DSE: variants seen among roughly 807,000 people sequenced by gnomAD.
DSE encodes dermatan sulfate epimerase.
DSE carries 36 observed loss-of-function variants against 84.4 expected under a neutral mutation model. The ratio of observed to expected loss-of-function variants is 0.43; its 90% CI spans 0.33 to 0.56. The LOEUF (loss-of-function observed/expected upper bound fraction) is 0.56, where lower values mean the gene tolerates loss of function less well. Ranked by LOEUF, DSE falls within the 20% of genes least tolerant of loss-of-function variation. The probability of loss-of-function intolerance (pLI) is 0.06; values close to 1 mark genes in which losing one functional copy is unlikely to be tolerated. For synonymous variants in DSE, 410 were observed against 430.1 expected, an observed-to-expected ratio of 0.95 and a Z score of 0.58; for missense variants, 862 against 1,169.6, an observed-to-expected ratio of 0.74 and a Z score of 3.84.
At chr6:116,410,200 C>T (rs1009790185) in intron 2 of DSE, among the ~76,000 whole-genome samples, 6 of 152,098 alleles carry the variant, frequency 3.9e-5, no homozygotes, top group East Asian at 1.9e-4. Flanking sequence ...AGTATTTTGA[C>T]GCAAACACCC....
chr6:116,345,570 C>T lies in DSE; in HGVS notation c.-53-53628C>T, dbSNP rs1449839449. 7.6e-4 allele frequency among the ~76,000 whole-genome samples: 115 copies of T among 151,790 alleles called. 1 individual carries two copies. The highest frequency in any genetic ancestry group is 8.1e-4 in the Non-Finnish European group (55 of 67,930). ...AAATAAAGATGTTCTTTGAAACCAA[C>T]GAGAACAAAGACACAACATACCAGA... On this transcript the variant is annotated intron_variant, in intron 2 of 3. Coordinates refer to the DSE transcript ENST00000430252.
chr6:116,323,411 A>G (rs749037090), intron 2 of DSE, among the ~76,000 whole-genome samples: 5 of 152,204 alleles, frequency 3.3e-5, no homozygotes, highest in Admixed American at 6.5e-5. Flanking sequence ...AGTGAGATTC[A>G]CATTTGACTT....
rs112653287 is a variant in DSE at position 116,399,962 on chromosome 6, A to G, written c.416+296A>G. 957 of 346,372 alleles carry G rather than the reference A, an allele frequency of 2.8e-3. 14 individuals carry two copies. Among genetic ancestry groups the G allele is most frequent in the African/African-American group, 0.018 (875 of 47,616 alleles). The allele number at this position is 346,372 out of a possible 1,614,324, so 21.5% of individuals were successfully genotyped here. On this transcript the variant is annotated intron_variant, in intron 2 of 5. Transcript: ENST00000644252. Reference sequence around the variant, plus strand: ...GTGATTGCTGAGAATTCTTTCTTCCATATTCAGCATGTATATATTACTATC... The same window carrying G: ...GTGATTGCTGAGAATTCTTTCTTCCGTATTCAGCATGTATATATTACTATC...
intron 2 of DSE, among the ~76,000 whole-genome samples, chr6:116,308,687 G>T (rs942655852): frequency 2.0e-5 from 3 of 151,568 alleles, no homozygotes; most frequent in Admixed American, 6.6e-5. Context: ...GTTTTTTGGG[G>T]TTTTTTTTGA....
At chr6:116,404,084 G>A (rs965408057) in intron 2 of DSE, among the ~76,000 whole-genome samples, 1 of 152,140 alleles carries the variant, frequency 6.6e-6, no homozygotes, top group African/African-American at 2.4e-5. Context: ...TGAAATGACT[G>A]CCTGTCCACC....
chr6:116,355,227 A>G lies in DSE; in HGVS notation c.-53-43971A>G, dbSNP rs543037833. Among the ~76,000 whole-genome samples, 8 of 152,330 alleles carry G rather than the reference A, an allele frequency of 5.3e-5. No homozygotes were observed. In the South Asian group the frequency reaches 6.2e-4, roughly 12 times the overall value. On this transcript the variant is annotated intron_variant, in intron 2 of 3. Transcript: ENST00000430252. ...TACATACCTTTTAAAGATTTGTTAC[A>G]TATTTGTCCTCCGAATCCTCTCTCA...
chr6:116,299,934 G>C, intron 2 of DSE, among the ~76,000 whole-genome samples: 1 of 152,226 alleles, frequency 6.6e-6, no homozygotes, highest in Middle Eastern at 3.4e-3. Context: ...TGTGGGCAAG[G>C]ATAACATGCA....
chr6:116,320,655 TG>T (rs1439491524), intron 2 of DSE, among the ~76,000 whole-genome samples: 1 of 152,228 alleles, frequency 6.6e-6, no homozygotes, highest in African/African-American at 2.4e-5. Context: ...CCAGCAGCAT[TG>T]GTTTCCTCTC....
intron 1 of DSE, among the ~76,000 whole-genome samples, chr6:116,380,106 TAC>T (rs1780135435): frequency 6.6e-6 from 1 of 152,198 alleles, no homozygotes; most frequent in Non-Finnish European, 1.5e-5. Context: ...AAATCTGTGT[TAC>T]TTGGGAATGA....
At chr6:116,426,529 T>C (rs1416592703) in intron 2 of DSE, 45 bp from the exon 3 acceptor site, 1 of 1,593,350 alleles carries the variant, frequency 6.3e-7, no homozygotes, top group Non-Finnish European at 8.6e-7. Flanking sequence ...TGGTGAAAGC[T>C]GTGAGTCTGA....
chr6:116,353,592 TA>T (rs1778432109), intron 2 of DSE, among the ~76,000 whole-genome samples: 1 of 152,182 alleles, frequency 6.6e-6, no homozygotes, highest in Non-Finnish European at 1.5e-5. Context: ...CTCTCATCCT[TA>T]TACTCTCAAA....
chr6:116,380,247 G>A (rs1211293718), intron 1 of DSE, among the ~76,000 whole-genome samples: 1 of 152,066 alleles, frequency 6.6e-6, no homozygotes, highest in East Asian at 1.9e-4. Flanking sequence ...AGGTACTTCT[G>A]TGTTTGAGGG....
intron 2 of DSE, among the ~76,000 whole-genome samples, chr6:116,355,486 G>A (rs1778522847): frequency 6.6e-6 from 1 of 152,136 alleles, no homozygotes; most frequent in African/African-American, 2.4e-5. Flanking sequence ...GCTGGCTAGG[G>A]CTCATTTAGC....
In DSE at chr6:116,444,332, A is replaced by G. The variant is rs997701726; in HGVS notation, c.*6987A>G. 1.3e-5 allele frequency: 2 copies of G among 152,172 alleles called. No homozygotes were observed. Among genetic ancestry groups the G allele is most frequent in the African/African-American group, 4.8e-5 (2 of 41,440 alleles). The allele number at this position is 152,172 out of a possible 1,614,324, so 9.4% of individuals were successfully genotyped here. A position where few individuals can be genotyped will look rare whatever the true frequency, so the allele number is the denominator to read the frequency against. On this transcript the variant is annotated 3_prime_UTR_variant, in exon 6 of 6. Coordinates refer to ENST00000644252, the MANE Select transcript of DSE (RefSeq NM_013352.4). ...GAAGACACAAAGTCACTGGACTACA[A>G]TCCTTTAGGGCAGGGATTGTGTCTC...
intron 1 of DSE, among the ~76,000 whole-genome samples, chr6:116,379,652 A>G (rs1020713431): frequency 2.6e-5 from 4 of 152,178 alleles, no homozygotes; most frequent in African/African-American, 9.6e-5. Context: ...AGTACTGTTC[A>G]GGGTGGATTC....
chr6:116,403,851 G>T (rs1781754050), intron 2 of DSE, among the ~76,000 whole-genome samples: 1 of 152,136 alleles, frequency 6.6e-6, no homozygotes, highest in Non-Finnish European at 1.5e-5. Flanking sequence ...ATGATGAATT[G>T]CACAGTGTTA....
At chr6:116,367,234 G>C (rs143554685), upstream of DSE, 11 of 152,312 alleles carry the variant, frequency 7.2e-5, no homozygotes, top group African/African-American at 2.6e-4. Flanking sequence ...ACAAGTACAG[G>C]GCAGTATGGC....
chr6:116,358,712 CTATT>C (rs1778717985), intron 2 of DSE, among the ~76,000 whole-genome samples: 1 of 152,246 alleles, frequency 6.6e-6, no homozygotes, highest in Non-Finnish European at 1.5e-5. Context: ...TAAACCTTAT[CTATT>C]TGCTACAGTT....
At chr6:116,349,778 C>A (rs570915602) in intron 2 of DSE, among the ~76,000 whole-genome samples, 43 of 152,284 alleles carry the variant, frequency 2.8e-4, no homozygotes, top group Non-Finnish European at 3.7e-4. Context: ...TAGCTTCAGG[C>A]TAGAATGCCA....
Sources: allele counts gnomAD v4.1 joint callset (sites outside exome capture counted in the v4.1 genomes callset), GRCh38; gene constraint gnomAD v4.1.1; transcripts MANE v1.5; gene names NCBI Gene and HGNC (gene_info 2026-07-23, HGNC 2026-07-21).